The following REDIC1 variants were observed in gnomAD, a reference collection of about 807,000 sequenced individuals.
The protein encoded by REDIC1 is regulator of DNA class I crossover intermediates 1.
At chr12:39,805,335 C>T in the REDIC1 span, among the ~76,000 whole-genome samples, 28,365 of 152,012 alleles carry the variant, frequency 0.19, 2,829 homozygotes, top group South Asian at 0.3. Flanking sequence ...GGGGCTGATG[C>T]TGGGACACCA....
At chr12:39,886,821 T>C in the REDIC1 span, among the ~76,000 whole-genome samples, 2 of 152,094 alleles carry the variant, frequency 1.3e-5, no homozygotes, top group African/African-American at 4.8e-5. Flanking sequence ...ACTTGCAGAG[T>C]TGGAACTGAG....
the REDIC1 span, among the ~76,000 whole-genome samples, chr12:39,845,377 T>C: frequency 2.6e-5 from 4 of 152,116 alleles, no homozygotes; most frequent in African/African-American, 7.2e-5. Flanking sequence ...CTGTTTTACA[T>C]TTTTTGTCAA....
the REDIC1 span, among the ~76,000 whole-genome samples, chr12:39,717,007 A>G: frequency 6.6e-6 from 1 of 151,992 alleles, no homozygotes; most frequent in African/African-American, 2.4e-5. Flanking sequence ...AAAAATGTAG[A>G]AAAGAAAAAT....
At chr12:39,736,231 G>T in the REDIC1 span, among the ~76,000 whole-genome samples, 3 of 152,180 alleles carry the variant, frequency 2.0e-5, no homozygotes, top group Non-Finnish European at 4.4e-5. Flanking sequence ...AATTTTTATG[G>T]ACTATTGTAT....
At chr12:39,773,985 C>A in the REDIC1 span, among the ~76,000 whole-genome samples, 2 of 152,130 alleles carry the variant, frequency 1.3e-5, no homozygotes, top group Non-Finnish European at 2.9e-5. Context: ...CAGTTCCTGA[C>A]GCAGGACTGT....
At chr12:39,719,803 GT>G in the REDIC1 span, among the ~76,000 whole-genome samples, 1 of 151,964 alleles carries the variant, frequency 6.6e-6, no homozygotes, top group Non-Finnish European at 1.5e-5. Flanking sequence ...TATATATGAT[GT>G]TTTGTTACAT....
At chr12:39,642,474 C>G in the REDIC1 span, among the ~76,000 whole-genome samples, 1 of 151,594 alleles carries the variant, frequency 6.6e-6, no homozygotes, top group South Asian at 2.1e-4. Flanking sequence ...CCATACCTTT[C>G]CTAGGATTTG....
the REDIC1 span, among the ~76,000 whole-genome samples, chr12:39,863,767 C>T: frequency 6.6e-6 from 1 of 152,122 alleles, no homozygotes; most frequent in African/African-American, 2.4e-5. Flanking sequence ...TTTCCAAAGG[C>T]ACATAGATCA....
the REDIC1 span, among the ~76,000 whole-genome samples, chr12:39,876,227 G>C: frequency 1.3e-5 from 2 of 152,242 alleles, no homozygotes; most frequent in South Asian, 2.1e-4. Context: ...GAGATTATGT[G>C]ACACTCAGCT....
At chr12:39,772,273 T>G in the REDIC1 span, among the ~76,000 whole-genome samples, 1 of 152,190 alleles carries the variant, frequency 6.6e-6, no homozygotes, top group South Asian at 2.1e-4. Flanking sequence ...GCCAAGTTAC[T>G]TAACCTCTCT....
the REDIC1 span, among the ~76,000 whole-genome samples, chr12:39,744,269 CA>C: frequency 6.6e-6 from 1 of 152,222 alleles, no homozygotes; most frequent in Admixed American, 6.5e-5. Context: ...AGGACTTTTT[CA>C]GACAAAAATT....
At chr12:39,871,726 T>G in the REDIC1 span, 1 of 1,440,502 alleles carries the variant, frequency 6.9e-7, no homozygotes, top group Non-Finnish European at 9.3e-7. Flanking sequence ...GTAAGTATTG[T>G]ATTTTTGAAG....
the REDIC1 span, among the ~76,000 whole-genome samples, chr12:39,748,981 T>C: frequency 1.3e-5 from 2 of 152,082 alleles, no homozygotes. Context: ...AGATCTAAAA[T>C]TGACACCCTA....
At chr12:39,900,246 C>A in the REDIC1 span, among the ~76,000 whole-genome samples, 2 of 152,140 alleles carry the variant, frequency 1.3e-5, no homozygotes, top group East Asian at 1.9e-4. Context: ...ACTGAATGGG[C>A]AAAAACTGGA....
chr12:39,884,314 A>G, the REDIC1 span, among the ~76,000 whole-genome samples: 2 of 152,306 alleles, frequency 1.3e-5, no homozygotes, highest in Admixed American at 6.5e-5. Flanking sequence ...GTGAAATTAT[A>G]ATCACAAGGA....
the REDIC1 span, among the ~76,000 whole-genome samples, chr12:39,754,838 G>T: frequency 2.1e-3 from 314 of 151,614 alleles, 2 homozygotes; most frequent in African/African-American, 6.8e-3. Flanking sequence ...ACAATTTTTA[G>T]GTATTATAAA....
the REDIC1 span, among the ~76,000 whole-genome samples, chr12:39,654,661 A>G: frequency 6.6e-6 from 1 of 150,830 alleles, no homozygotes; most frequent in Admixed American, 6.6e-5. Context: ...TATTTTATTG[A>G]TGGTTTTTGT....
the REDIC1 span, among the ~76,000 whole-genome samples, chr12:39,733,844 G>C: frequency 6.6e-6 from 1 of 152,200 alleles, no homozygotes. Context: ...AGGGCTCTGT[G>C]GGGGTGGGAT....
the REDIC1 span, among the ~76,000 whole-genome samples, chr12:39,897,970 T>C: frequency 0.96 from 146,409 of 152,134 alleles, 70,707 homozygotes; most frequent in East Asian, 1. Flanking sequence ...TATTATATGC[T>C]TGGCACATAA....
Sources: gnomAD v4.1 joint callset for allele counts (sites outside exome capture counted in the v4.1 genomes callset) on GRCh38, gnomAD v4.1.1 for gene constraint, MANE v1.5 for transcripts, NCBI Gene and HGNC (gene_info 2026-07-23, HGNC 2026-07-21) for gene names.